ARID5B: variants seen among roughly 807,000 people sequenced by gnomAD.
ARID5B encodes AT-rich interactive domain-containing protein 5B.
In ARID5B, 13 loss-of-function variants were observed where a neutral mutation model predicts 97.2. The ratio of observed to expected loss-of-function variants is 0.13; its 90% confidence interval spans 0.09 to 0.21. The LOEUF is 0.21. Among genes scored for constraint, ARID5B ranks in the 10% least tolerant of loss-of-function variants. The pLI is 1.00. For synonymous variants in ARID5B, 556 were observed against 570.3 expected (o/e 0.97, Z 0.36); for missense variants, 1,210 against 1,465.3 (o/e 0.83, Z 2.84).
rs562067597 is a variant in ARID5B, at chr10:61,960,960, T to C, written c.502+20552T>C. ...TTTCTCATCTGTAAAATGGGTATAA[T>C]AAATCTATCTGATAGGGATACTGTA... On this transcript the variant is annotated intron_variant, in intron 3 of 9. Coordinates refer to ENST00000279873, the MANE Select transcript of ARID5B (RefSeq NM_032199.3). Among the ~76,000 whole-genome samples, 6 of 152,356 alleles carry C rather than the reference T, an allele frequency of 3.9e-5. No individual in the cohort carries two copies. The East Asian group carries it at 9.6e-4, about 24-fold the overall frequency.
At chr10:61,959,822 T>A (rs540342058) in intron 3 of ARID5B, among the ~76,000 whole-genome samples, 1 of 152,286 alleles carries the variant, frequency 6.6e-6, no homozygotes, top group African/African-American at 2.4e-5. Context: ...GGTCACCTAG[T>A]CTAGTGGGGC....
chr10:62,066,788 G>A (rs1252472982), intron 7 of ARID5B, among the ~76,000 whole-genome samples: 2 of 152,174 alleles, frequency 1.3e-5, no homozygotes, highest in Non-Finnish European at 2.9e-5. Flanking sequence ...GGAGGGAGGC[G>A]TGGTCAGTTT....
Position 61,940,337 on chromosome 10 carries a change from T to G in ARID5B, c.431T>G (p.Leu144Arg). 2 of 1,614,182 alleles carry G rather than the reference T, an allele frequency of 1.2e-6. No individual in the cohort carries two copies. Among genetic ancestry groups the G allele is most frequent in the South Asian group, 2.2e-5 (2 of 91,086 alleles). ...LGRNGQKEAL[L>R]KYRQSTLNSG... ...AGGAATGGACAGAAGGAAGCTCTGC[T>G]GAAGTACAGGCAGTCAACCCTAAAC... is the stretch of plus-strand genomic sequence containing the variant. The change falls in exon 3 of 10, where the codon CTG becomes CGG. Residue 144 changes from leucine (L) to arginine (R), a missense_variant. By Grantham distance (102) the Leu-to-Arg change is moderately radical. Transcript: ENST00000279873.
chr10:61,970,564 G>T (rs1337464303), intron 3 of ARID5B, among the ~76,000 whole-genome samples: 3 of 152,148 alleles, frequency 2.0e-5, no homozygotes, highest in African/African-American at 7.2e-5. Context: ...TCCCATTAGC[G>T]AAGGCCCTGT....
intron 4 of ARID5B, among the ~76,000 whole-genome samples, chr10:62,035,688 C>T (rs1005988355): frequency 3.3e-5 from 5 of 151,746 alleles, no homozygotes; most frequent in African/African-American, 1.2e-4. Context: ...GACGGGGTTT[C>T]ACCATGTTGG....
chr10:62,015,851 G>A (rs1011351688), intron 4 of ARID5B, among the ~76,000 whole-genome samples: 4 of 152,074 alleles, frequency 2.6e-5, no homozygotes, highest in African/African-American at 4.8e-5. Flanking sequence ...CTTGAACTCC[G>A]ACCTCAGGTG....
rs188551450 is a variant in ARID5B at position 61,936,611 on chromosome 10, C to T, written c.277-3572C>T. ...CAGCCTGGGCTACAGAGTGAGACTC[C>T]GTCTCAAATAAATAAATTAATTTAA... On this transcript the variant is annotated intron_variant, in intron 2 of 9. Coordinates refer to ENST00000279873, the MANE Select transcript of ARID5B (RefSeq NM_032199.3). 3.6e-3 allele frequency among the ~76,000 whole-genome samples: 541 copies of T among 152,190 alleles called. 5 individuals are homozygous for T. Among genetic ancestry groups the T allele is most frequent in the African/African-American group, 0.012 (509 of 41,538 alleles).
intron 3 of ARID5B, among the ~76,000 whole-genome samples, chr10:61,946,144 G>A (rs1334567225): frequency 3.3e-5 from 5 of 151,112 alleles, no homozygotes; most frequent in South Asian, 2.1e-4. Flanking sequence ...TGAGCCATAA[G>A]TGGCCAGTTG....
rs1317694270 is a variant in ARID5B at position 62,091,090 on chromosome 10, C to T, written c.1627C>T (p.Pro543Ser). 4.3e-6 allele frequency: 7 copies of T among 1,613,984 alleles called. No homozygotes were observed. The highest frequency in any genetic ancestry group is 2.2e-5 in the South Asian group (2 of 91,066). The change falls in exon 10 of 10, where the codon CCA (proline) becomes TCA (serine). Residue 543 changes from proline to serine, a missense_variant. Pro to Ser is a moderately conservative substitution (Grantham distance 74, BLOSUM62 -1). Around this residue, in one of 8 missense-constraint regions of ARID5B, gnomAD observed 800 missense variants for 839.1 expected, o/e 0.95. Coordinates refer to ENST00000279873, the MANE Select transcript of ARID5B (RefSeq NM_032199.3). ...AGEKGPTPPL[P>S]SAPLAPEKDS... ...AGAGAAGGGGCCCACACCTCCACTC[C>T]CAAGTGCTCCTCTGGCCCCAGAAAA...
intron 2 of ARID5B, among the ~76,000 whole-genome samples, chr10:61,934,518 C>T (rs1844264452): frequency 6.6e-6 from 1 of 152,128 alleles, no homozygotes; most frequent in Non-Finnish European, 1.5e-5. Flanking sequence ...TTCACTTGAA[C>T]ACTTAGAGGC....
In ARID5B at chr10:62,093,791, C is replaced by G. The variant is rs981037619; in HGVS notation, c.*761C>G. ...TAATTTTTCCACATCTTATTTTGAGCAGCTTTGGGTGGTAAAGTTATTGTT... is the reference window on the plus strand; with the variant it reads ...TAATTTTTCCACATCTTATTTTGAGGAGCTTTGGGTGGTAAAGTTATTGTT... On this transcript the variant is annotated 3_prime_UTR_variant, in exon 10 of 10. Transcript: ENST00000279873. 2 of 232,892 alleles carry G rather than the reference C, an allele frequency of 8.6e-6. No individual in the cohort carries two copies. The highest frequency in any genetic ancestry group is 1.8e-4 in the South Asian group (1 of 5,506). The allele number at this position is 232,892 out of a possible 1,614,324, so 14.4% of individuals were successfully genotyped here. A position where few individuals can be genotyped will look rare whatever the true frequency, so the allele number is the denominator to read the frequency against.
chr10:61,925,130 G>A (rs1386573170), intron 2 of ARID5B, among the ~76,000 whole-genome samples: 5 of 151,946 alleles, frequency 3.3e-5, no homozygotes, highest in East Asian at 1.9e-4. Context: ...ACTTGAACCC[G>A]GGAGGCAGAG....
intron 3 of ARID5B, among the ~76,000 whole-genome samples, chr10:61,957,461 G>T (rs1027719205): frequency 6.6e-6 from 1 of 152,126 alleles, no homozygotes; most frequent in Admixed American, 6.5e-5. Flanking sequence ...TAGAGACAGG[G>T]TTTCACCATT....
In ARID5B at chr10:61,910,221, A is replaced by C. The variant is rs1198825208; in HGVS notation, c.276+7808A>C. Among the ~76,000 whole-genome samples, 3 of 152,246 alleles carry C rather than the reference A, an allele frequency of 2.0e-5. No homozygotes were observed. In the East Asian group the frequency reaches 5.8e-4, roughly 29 times the overall value. ...TGTAAATACTTCATTATTAATTATT[A>C]ATAAAGCATGCCATTGTTCATAGTG... On this transcript the variant is annotated intron_variant, in intron 2 of 9. Coordinates refer to ENST00000279873, the MANE Select transcript of ARID5B (RefSeq NM_032199.3).
intron 3 of ARID5B, among the ~76,000 whole-genome samples, chr10:61,995,616 A>G (rs1838985367): frequency 6.6e-6 from 1 of 152,106 alleles, no homozygotes; most frequent in African/African-American, 2.4e-5. Flanking sequence ...CACCTTTCAT[A>G]TAAAGTTGAC....
chr10:62,003,695 G>T (rs1839111655), intron 4 of ARID5B, among the ~76,000 whole-genome samples: 1 of 152,102 alleles, frequency 6.6e-6, no homozygotes, highest in African/African-American at 2.4e-5. Flanking sequence ...TGGAGCTGGG[G>T]CTGGCTTTCC....
intron 4 of ARID5B, among the ~76,000 whole-genome samples, chr10:62,036,034 AG>A (rs1839559334): frequency 6.6e-6 from 1 of 152,080 alleles, no homozygotes; most frequent in Non-Finnish European, 1.5e-5. Flanking sequence ...TGTGTTGGCC[AG>A]GCTGGTCTTG....
At chr10:62,065,743 G>A (rs1839977690) in intron 7 of ARID5B, among the ~76,000 whole-genome samples, 1 of 151,304 alleles carries the variant, frequency 6.6e-6, no homozygotes, top group South Asian at 2.1e-4. Flanking sequence ...CTACTCAGGA[G>A]GCTGAGGCAG....
chr10:61,949,847 C>A (rs1171411206), intron 3 of ARID5B, among the ~76,000 whole-genome samples: 1 of 152,100 alleles, frequency 6.6e-6, no homozygotes, highest in East Asian at 1.9e-4. Flanking sequence ...TTGCTGTGTA[C>A]CTTGGATTGA....
Sources: gnomAD v4.1 joint callset for allele counts (sites outside exome capture counted in the v4.1 genomes callset) on GRCh38, gnomAD v4.1.1 for gene constraint, gnomAD v4.1.1 regional missense constraint, MANE v1.5 for transcripts, NCBI Gene and HGNC (gene_info 2026-07-23, HGNC 2026-07-21) for gene names.